PLEKHA5: variants seen among roughly 807,000 people sequenced by gnomAD.
PLEKHA5 encodes pleckstrin homology domain-containing family A member 5.
In PLEKHA5, 55 loss-of-function variants were observed where a neutral mutation model predicts 181.9. That is an observed-to-expected ratio of 0.30 (90% confidence interval 0.24 to 0.38). The LOEUF (loss-of-function observed/expected upper bound fraction) is 0.38, where lower values mean the gene tolerates loss of function less well. PLEKHA5 is among the 10% of genes least tolerant of loss of function. The probability of loss-of-function intolerance (pLI) is 1.00; values close to 1 mark genes in which losing one functional copy is unlikely to be tolerated. For synonymous variants in PLEKHA5, 535 were observed against 529.4 expected (o/e 1.01, Z -0.15); for missense variants, 1,432 against 1,549.5 (o/e 0.92, Z 1.27).
chr12:19,257,806 A>C lies in PLEKHA5; in HGVS notation c.537+269A>C, dbSNP rs1017507716. The stretch of plus-strand genomic sequence containing the variant: ...TAAATATATGCTGTATGAAAATGTT[A>C]GAAATAGCATGGTAAAAGTATCCAG... On this transcript the variant is annotated intron_variant, in intron 6 of 31. Coordinates refer to ENST00000429027, the MANE Select transcript of PLEKHA5 (RefSeq NM_001256470.2). 9.9e-5 allele frequency among the ~76,000 whole-genome samples: 15 copies of C among 152,276 alleles called. No individual in the cohort carries two copies. In the South Asian group the frequency reaches 3.1e-3, roughly 32 times the overall value.
chr12:19,276,011 C>T (rs529438899), intron 11 of PLEKHA5, among the ~76,000 whole-genome samples: 7 of 152,104 alleles, frequency 4.6e-5, no homozygotes, highest in East Asian at 3.9e-4. Context: ...GAACACATTT[C>T]GGGACAACAG....
At chr12:19,203,446 G>A (rs2054655302) in intron 3 of PLEKHA5, among the ~76,000 whole-genome samples, 1 of 152,000 alleles carries the variant, frequency 6.6e-6, no homozygotes, top group African/African-American at 2.4e-5. Flanking sequence ...GTCAATACAA[G>A]TTCTCCAGTC....
At chr12:19,182,533 G>A (rs1208696378) in intron 3 of PLEKHA5, among the ~76,000 whole-genome samples, 8 of 152,166 alleles carry the variant, frequency 5.3e-5, no homozygotes, top group South Asian at 2.1e-4. Context: ...AAGTTGAAAT[G>A]TACTTTTAAT....
chr12:19,285,679 T>C (rs1372532808), intron 12 of PLEKHA5, among the ~76,000 whole-genome samples: 1 of 152,250 alleles, frequency 6.6e-6, no homozygotes, highest in African/African-American at 2.4e-5. Flanking sequence ...TAGTGGTCAT[T>C]GTAGCCCTCC....
chr12:19,302,079 A>T (rs2081641252), intron 15 of PLEKHA5, among the ~76,000 whole-genome samples: 1 of 152,226 alleles, frequency 6.6e-6, no homozygotes. Context: ...ACACAGAAGG[A>T]CATTCTTGAG....
Position 19,324,483 on chromosome 12 carries a change from G to T in PLEKHA5, c.2448+1816G>T, listed in dbSNP as rs538435009. ...GATTGAGCTGAATGACTTACCCAAG[G>T]TTACAAAGCTAATAAATAATATACC... On this transcript the variant is annotated intron_variant, in intron 20 of 31. Transcript: ENST00000429027. 1.1e-4 allele frequency among the ~76,000 whole-genome samples: 16 copies of T among 152,106 alleles called. No homozygotes were observed. The South Asian group carries it at 3.1e-3, about 30-fold the overall frequency.
chr12:19,281,571 T>C (rs79213380), intron 11 of PLEKHA5, among the ~76,000 whole-genome samples: 2 of 144,994 alleles, frequency 1.4e-5, no homozygotes, highest in East Asian at 4.0e-4. Flanking sequence ...AGCAAAACAC[T>C]ATCTCCAAAA....
Position 19,129,831 on chromosome 12 carries a change from C to T in PLEKHA5, c.32C>T (p.Ser11Phe), listed in dbSNP as rs1449796371. 3 of 1,606,732 alleles carry T rather than the reference C, an allele frequency of 1.9e-6. No individual in the cohort carries two copies. The Admixed American group carries it at 5.0e-5, about 27-fold the overall frequency. The change falls in exon 1 of 32, where the codon TCC becomes TTC. Residue 11 changes from serine (S) to phenylalanine (F), a missense_variant. Physicochemically the swap from Ser to Phe is radical, Grantham distance 155. Around this residue, in one of 2 missense-constraint regions of PLEKHA5, gnomAD observed 289 missense variants for 381.1 expected, o/e 0.76. Coordinates refer to ENST00000429027, the MANE Select transcript of PLEKHA5 (RefSeq NM_001256470.2). ...GCGGATCTGAACCTGGAGTGGATCT[C>T]CCTGCCCCGGTCCTGGACTTACGGG... MAADLNLEWI[S>F]LPRSWTYGIT...
At chr12:19,226,382 A>C (rs758517895) in intron 3 of PLEKHA5, among the ~76,000 whole-genome samples, 2 of 152,194 alleles carry the variant, frequency 1.3e-5, no homozygotes, top group Non-Finnish European at 2.9e-5. Flanking sequence ...GGCTATTATG[A>C]ATAGTATTGC....
chr12:19,157,800 T>C (rs1480433870), intron 3 of PLEKHA5, among the ~76,000 whole-genome samples: 1 of 152,210 alleles, frequency 6.6e-6, no homozygotes, highest in East Asian at 1.9e-4. Flanking sequence ...AAAGATTTTT[T>C]ATCAATTGTG....
chr12:19,235,433 G>T (rs1221732635), intron 3 of PLEKHA5, among the ~76,000 whole-genome samples: 1 of 152,126 alleles, frequency 6.6e-6, no homozygotes, highest in East Asian at 1.9e-4. Flanking sequence ...TGGGTAAAGG[G>T]CATGAACTGT....
chr12:19,303,208 A>G (rs2082114394), intron 15 of PLEKHA5, among the ~76,000 whole-genome samples: 1 of 147,988 alleles, frequency 6.8e-6, no homozygotes, highest in Non-Finnish European at 1.5e-5. Context: ...TCCAGCCTCT[A>G]GATTATTATA....
intron 3 of PLEKHA5, among the ~76,000 whole-genome samples, chr12:19,246,170 G>C: frequency 6.6e-6 from 1 of 151,326 alleles, no homozygotes; most frequent in African/African-American, 2.4e-5. Flanking sequence ...AGTAGAGACG[G>C]GGTTTCACCG....
chr12:19,169,636 T>G (rs557351363), intron 3 of PLEKHA5, among the ~76,000 whole-genome samples: 1 of 152,340 alleles, frequency 6.6e-6, no homozygotes, highest in African/African-American at 2.4e-5. Context: ...AATATGTGAT[T>G]GGAAGAACCC....
chr12:19,333,240 G>A (rs764887270), intron 20 of PLEKHA5, among the ~76,000 whole-genome samples: 1 of 151,402 alleles, frequency 6.6e-6, no homozygotes, highest in African/African-American at 2.4e-5. Context: ...AGCTGAGATC[G>A]CACCGTTACA....
At position 19,322,608 on chromosome 12, in the gene PLEKHA5, A is replaced by G; in HGVS notation, c.2389A>G (p.Arg797Gly). 6.2e-7 allele frequency: 1 copy of G among 1,613,964 alleles called. No homozygotes were observed. Among genetic ancestry groups the G allele is most frequent in the South Asian group, 1.1e-5 (1 of 91,088 alleles). The change falls in exon 20 of 32, where the codon AGG becomes GGG. Residue 797 changes from arginine (R) to glycine (G), a missense_variant. Arg to Gly is a moderately radical substitution (Grantham distance 125). Transcript: ENST00000429027. Reference sequence around the variant, plus strand: ...AGCCATTCAGACAGTGGTGTTACAAAGGGATGATTTACAAAATGGACTGCT... The same window carrying G: ...AGCCATTCAGACAGTGGTGTTACAAGGGGATGATTTACAAAATGGACTGCT... ...PAAIQTVVLQRDDLQNGLLST... is the reference protein window; with the variant it reads ...PAAIQTVVLQGDDLQNGLLST...
intron 3 of PLEKHA5, among the ~76,000 whole-genome samples, chr12:19,198,791 C>T (rs183782934): frequency 2.0e-5 from 3 of 151,978 alleles, no homozygotes; most frequent in East Asian, 1.9e-4. Context: ...GGGAAAGGAG[C>T]GCTAAGAAAT....
chr12:19,319,972 A>G, intron 16 of PLEKHA5, 49 bp from the exon 17 acceptor site: 2 of 1,243,568 alleles, frequency 1.6e-6, no homozygotes, highest in Admixed American at 2.7e-5. Flanking sequence ...ATTTCGAATG[A>G]TTTTCCTCTT....
At chr12:19,306,992 C>G in intron 15 of PLEKHA5, 1 of 1,477,442 alleles carries the variant, frequency 6.8e-7, no homozygotes, top group Non-Finnish European at 9.4e-7. Context: ...GCTGTTCCAC[C>G]GGCTGCTTTG....
Sources: gnomAD v4.1 joint callset for allele counts (sites outside exome capture counted in the v4.1 genomes callset) on GRCh38, gnomAD v4.1.1 for gene constraint, gnomAD v4.1.1 regional missense constraint, MANE v1.5 for transcripts, NCBI Gene and HGNC (gene_info 2026-07-23, HGNC 2026-07-21) for gene names.